Variants in CNTN4 observed in about 807,000 individuals in gnomAD.
CNTN4 encodes contactin-4.
In CNTN4, 77 loss-of-function variants were observed where a neutral mutation model predicts 122.5. The ratio of observed to expected loss-of-function variants is 0.63; its 90% CI spans 0.52 to 0.76. The LOEUF (loss-of-function observed/expected upper bound fraction) is 0.76. Ranked by LOEUF, CNTN4 falls within the 30% of genes least tolerant of loss-of-function variation. CNTN4 has a pLI of 0.00. For missense variants in CNTN4, 1,256 were observed against 1,259.1 expected (o/e 1.00, Z 0.04); for synonymous variants, 512 against 447.0 (o/e 1.15, Z -1.83).
At chr3:2,814,331 A>C (rs9846630) in intron 6 of CNTN4, among the ~76,000 whole-genome samples, 102,024 of 152,168 alleles carry the variant, frequency 0.67, 34,643 homozygotes, top group African/African-American at 0.74. Context: ...TTTATTCAAT[A>C]CTATCTTTGG....
intron 4 of CNTN4, among the ~76,000 whole-genome samples, chr3:2,662,044 A>G (rs953592604): frequency 6.6e-6 from 1 of 152,204 alleles, no homozygotes; most frequent in East Asian, 1.9e-4. Context: ...ACACTTATCA[A>G]GTGCTGATAT....
intron 3 of CNTN4, among the ~76,000 whole-genome samples, chr3:2,526,334 C>G (rs1014436204): frequency 6.6e-6 from 1 of 152,148 alleles, no homozygotes; most frequent in African/African-American, 2.4e-5. Flanking sequence ...CAGGTAGTTT[C>G]ACCTACATTT....
intron 4 of CNTN4, among the ~76,000 whole-genome samples, chr3:2,686,529 T>C (rs538170282): frequency 6.0e-5 from 9 of 150,922 alleles, no homozygotes; most frequent in African/African-American, 2.2e-4. Context: ...AACAGTTTTA[T>C]TGAGATATAA....
At chr3:2,771,939 T>C (rs953676627) in intron 6 of CNTN4, among the ~76,000 whole-genome samples, 1 of 152,110 alleles carries the variant, frequency 6.6e-6, no homozygotes, top group African/African-American at 2.4e-5. Context: ...GCAGGGTGTT[T>C]CATGCGACAA....
At chr3:2,947,298 C>T (rs1361319472) in intron 13 of CNTN4, among the ~76,000 whole-genome samples, 1 of 152,168 alleles carries the variant, frequency 6.6e-6, no homozygotes, top group East Asian at 1.9e-4. Flanking sequence ...TGCCCCATAA[C>T]AAATTTTCCT....
intron 13 of CNTN4, among the ~76,000 whole-genome samples, chr3:2,948,639 A>G (rs1455400497): frequency 6.6e-6 from 1 of 152,150 alleles, no homozygotes; most frequent in African/African-American, 2.4e-5. Context: ...TATTTCTGGC[A>G]GGTTTGGAGC....
intron 3 of CNTN4, among the ~76,000 whole-genome samples, chr3:2,404,770 C>T (rs979348370): frequency 5.9e-5 from 9 of 152,106 alleles, no homozygotes; most frequent in South Asian, 2.1e-4. Flanking sequence ...CTCTAGAATT[C>T]GGCCTATAAC....
chr3:2,768,071 G>C (rs1412332484), intron 6 of CNTN4, among the ~76,000 whole-genome samples: 1 of 152,218 alleles, frequency 6.6e-6, no homozygotes, highest in Non-Finnish European at 1.5e-5. Context: ...GGCAGTTAGA[G>C]ATGAACAAAT....
rs576647842 is a variant in CNTN4 at position 2,292,373 on chromosome 3, T to C, written c.-144-46805T>C. 2.6e-5 allele frequency among the ~76,000 whole-genome samples: 4 copies of C among 152,344 alleles called. No homozygotes were observed. In the South Asian group the frequency reaches 8.3e-4, roughly 32 times the overall value. On this transcript the variant is annotated intron_variant, in intron 2 of 24. Transcript: ENST00000418658. The stretch of plus-strand genomic sequence containing the variant: ...ACATGTATTAGGTACCCCACTGATA[T>C]TTGTTAACTTGAATAAGTTGAATAT...
intron 4 of CNTN4, among the ~76,000 whole-genome samples, chr3:2,580,233 G>A (rs1466581472): frequency 1.3e-5 from 2 of 152,092 alleles, no homozygotes; most frequent in Non-Finnish European, 2.9e-5. Flanking sequence ...AGTGGTGTTG[G>A]TGACAGCCAG....
At chr3:2,942,768 G>T (rs1012021134) in intron 13 of CNTN4, among the ~76,000 whole-genome samples, 3 of 152,176 alleles carry the variant, frequency 2.0e-5, no homozygotes, top group African/African-American at 7.2e-5. Flanking sequence ...ATTTTGTATT[G>T]CAGACTGTCT....
chr3:2,498,554 C>T (rs1174366030), intron 3 of CNTN4, among the ~76,000 whole-genome samples: 3 of 152,134 alleles, frequency 2.0e-5, no homozygotes, highest in Admixed American at 2.0e-4. Context: ...GATCATGGCT[C>T]ACTGCAGCCT....
chr3:3,021,475 A>G (rs1175364797), intron 14 of CNTN4, among the ~76,000 whole-genome samples: 2 of 152,166 alleles, frequency 1.3e-5, no homozygotes. Context: ...CAGGCCTTTG[A>G]AGAATCCCAC....
chr3:2,814,227 A>G (rs1262143404), intron 6 of CNTN4, among the ~76,000 whole-genome samples: 2 of 152,256 alleles, frequency 1.3e-5, no homozygotes, highest in East Asian at 3.8e-4. Flanking sequence ...TCTACACATC[A>G]CATGTCAATG....
At chr3:2,340,708 T>TAGAGAGAGAGAGAGAGAGGGGGAG (rs1414538595) in intron 3 of CNTN4, among the ~76,000 whole-genome samples, 1 of 25,362 alleles carries the variant, frequency 3.9e-5, no homozygotes, top group African/African-American at 8.1e-5. Flanking sequence ...TATATATATA[T>TAGAGAGAGAGAGAGAGAGGGGGAG]ATAGAGAGAG....
chr3:2,553,612 CA>C (rs1447318470), intron 3 of CNTN4, among the ~76,000 whole-genome samples: 1 of 152,038 alleles, frequency 6.6e-6, no homozygotes, highest in Non-Finnish European at 1.5e-5. Context: ...AGAAAAGGAC[CA>C]GAGCTAGAAA....
chr3:2,466,372 C>T (rs1431197901), intron 3 of CNTN4, among the ~76,000 whole-genome samples: 14 of 152,180 alleles, frequency 9.2e-5, no homozygotes, highest in Non-Finnish European at 1.5e-4. Context: ...TGTCGCTGCT[C>T]TTAACTTGTA....
chr3:2,246,844 G>C (rs1049985902), intron 2 of CNTN4, among the ~76,000 whole-genome samples: 1 of 151,856 alleles, frequency 6.6e-6, no homozygotes, highest in Non-Finnish European at 1.5e-5. Flanking sequence ...GGGAATGTTC[G>C]TGGAATGAGT....
intron 7 of CNTN4, among the ~76,000 whole-genome samples, chr3:2,827,424 T>C (rs944840489): frequency 1.3e-5 from 2 of 152,236 alleles, no homozygotes; most frequent in African/African-American, 2.4e-5. Context: ...TTAATTAGGC[T>C]GGGTTTGATT....
Sources: gnomAD v4.1 joint callset for allele counts (sites outside exome capture counted in the v4.1 genomes callset) on GRCh38, gnomAD v4.1.1 for gene constraint, MANE v1.5 for transcripts, NCBI Gene and HGNC (gene_info 2026-07-23, HGNC 2026-07-21) for gene names.